The following DNER variants were observed in gnomAD, a reference collection of about 807,000 sequenced individuals.
DNER encodes delta and Notch-like epidermal growth factor-related receptor.
Under a neutral mutation model 78.2 loss-of-function variants are expected in DNER, and 33 were observed. The observed-to-expected ratio is 0.42, with a 90% CI of 0.32 to 0.56. The LOEUF is 0.56. Ranked by LOEUF, DNER falls within the 20% of genes least tolerant of loss-of-function variation. The pLI, the probability that DNER is intolerant of heterozygous loss-of-function variation, is 0.11. For missense variants in DNER, 918 were observed against 975.3 expected (o/e 0.94, Z 0.78); for synonymous variants, 417 against 384.8 (o/e 1.08, Z -0.98).
chr2:229,682,502 G>T (rs1699402624), intron 1 of DNER, among the ~76,000 whole-genome samples: 1 of 152,098 alleles, frequency 6.6e-6, no homozygotes, highest in Non-Finnish European at 1.5e-5. Context: ...TAAGCAAATG[G>T]CATCTTAAAA....
At chr2:229,565,273 C>A (rs113777112) in intron 4 of DNER, among the ~76,000 whole-genome samples, 178 of 152,222 alleles carry the variant, frequency 1.2e-3, no homozygotes, top group African/African-American at 4.1e-3. Context: ...CTTCTCAATT[C>A]AAATCTATGA....
chr2:229,626,599 C>T (rs759350092), intron 1 of DNER, among the ~76,000 whole-genome samples: 2 of 152,156 alleles, frequency 1.3e-5, no homozygotes, highest in African/African-American at 4.8e-5. Context: ...AAAGAAGCAA[C>T]ATTTTCCTAT....
intron 1 of DNER, among the ~76,000 whole-genome samples, chr2:229,634,746 A>G (rs1019386993): frequency 6.6e-6 from 1 of 152,072 alleles, no homozygotes; most frequent in Non-Finnish European, 1.5e-5. Context: ...GGCCCAAAGG[A>G]GTCTGTCATC....
chr2:229,500,488 A>G (rs1240505006), intron 6 of DNER, among the ~76,000 whole-genome samples: 1 of 152,192 alleles, frequency 6.6e-6, no homozygotes, highest in East Asian at 1.9e-4. Context: ...TCCTCAAAAA[A>G]CTAAAATAGA....
chr2:229,532,938 G>A (rs1559159172), intron 5 of DNER, among the ~76,000 whole-genome samples: 2 of 152,178 alleles, frequency 1.3e-5, no homozygotes, highest in Non-Finnish European at 2.9e-5. Context: ...GGGCATGGGG[G>A]TGTGGGTGGA....
chr2:229,438,522 G>A (rs1694172131), intron 8 of DNER, among the ~76,000 whole-genome samples: 1 of 152,128 alleles, frequency 6.6e-6, no homozygotes, highest in African/African-American at 2.4e-5. Context: ...TACTCCAACG[G>A]GGGGCAAGTA....
At chr2:229,387,487 G>GAAAGAAAGAGAT (rs1692896112) in intron 11 of DNER, among the ~76,000 whole-genome samples, 1 of 81,862 alleles carries the variant, frequency 1.2e-5, no homozygotes, top group Admixed American at 1.5e-4. Flanking sequence ...GAAAGAAAAA[G>GAAAGAAAGAGAT]AAAGAAAGAA....
chr2:229,563,527 C>T (rs1464270531), intron 4 of DNER, among the ~76,000 whole-genome samples: 5 of 147,254 alleles, frequency 3.4e-5, no homozygotes, highest in Admixed American at 1.3e-4. Flanking sequence ...ATCCCATCAC[C>T]ATCATCGTCA....
In DNER at chr2:229,619,410, C is replaced by A. The variant is rs72991639; in HGVS notation, c.277-27522G>T. ...GAAAAGTTTTTACTAAAAACCAGCT[C>A]AGTGATGTAAGTGCAGAGAGACATC... On this transcript the variant is annotated intron_variant, in intron 1 of 12. Transcript: ENST00000341772. Among the ~76,000 whole-genome samples, 11 of 152,014 alleles carry A rather than the reference C, an allele frequency of 7.2e-5. No homozygotes were observed. The South Asian group carries it at 2.1e-3, about 29-fold the overall frequency.
chr2:229,385,730 A>G, intron 11 of DNER, among the ~76,000 whole-genome samples: 1 of 152,228 alleles, frequency 6.6e-6, no homozygotes, highest in East Asian at 1.9e-4. Flanking sequence ...CAATTGCGAC[A>G]GAGAATAAAA....
intron 8 of DNER, among the ~76,000 whole-genome samples, chr2:229,432,442 T>A (rs1694027278): frequency 6.6e-6 from 1 of 152,174 alleles, no homozygotes; most frequent in Non-Finnish European, 1.5e-5. Flanking sequence ...AAAACCTAGA[T>A]AATTACTTTT....
At chr2:229,369,236 C>T (rs55862298) in intron 11 of DNER, among the ~76,000 whole-genome samples, 2 of 149,398 alleles carry the variant, frequency 1.3e-5, no homozygotes, top group African/African-American at 2.5e-5. Flanking sequence ...GTTTTAACTT[C>T]CTAAAAAGTT....
chr2:229,548,054 A>G (rs1696659060), intron 4 of DNER, among the ~76,000 whole-genome samples: 1 of 152,244 alleles, frequency 6.6e-6, no homozygotes, highest in African/African-American at 2.4e-5. Context: ...AGCTCTGTCA[A>G]GAGTAAAAGT....
intron 1 of DNER, among the ~76,000 whole-genome samples, chr2:229,702,592 C>A (rs2154217693): frequency 6.6e-6 from 1 of 152,092 alleles, no homozygotes; most frequent in African/African-American, 2.4e-5. Context: ...TGTCCACGCA[C>A]TCTTGAAACC....
At chr2:229,542,791 A>G (rs1696541737) in intron 5 of DNER, among the ~76,000 whole-genome samples, 1 of 152,012 alleles carries the variant, frequency 6.6e-6, no homozygotes, top group Non-Finnish European at 1.5e-5. Flanking sequence ...AAAAAAAAAA[A>G]AAAAGATTTT....
At chr2:229,464,648 A>T (rs1694765399) in intron 7 of DNER, among the ~76,000 whole-genome samples, 1 of 152,170 alleles carries the variant, frequency 6.6e-6, no homozygotes, top group Non-Finnish European at 1.5e-5. Flanking sequence ...CTGCTTCAAG[A>T]CTTTCCATTC....
intron 6 of DNER, among the ~76,000 whole-genome samples, chr2:229,482,265 G>A (rs959570433): frequency 1.3e-5 from 2 of 152,106 alleles, no homozygotes; most frequent in African/African-American, 4.8e-5. Context: ...CTCTCACCAG[G>A]ACTCCAGCAA....
rs1204892726 is a variant in DNER, at chr2:229,512,771, T to C, written c.1147+12A>G. 6.8e-6 allele frequency: 11 copies of C among 1,613,788 alleles called. No homozygotes were observed. The highest frequency in any genetic ancestry group is 9.3e-6 in the Non-Finnish European group (11 of 1,179,928). ...ATACACCTAATAACTGAACCATGAG[T>C]ATGTGTCGTACCAGGAAGGCAAACA... On this transcript the variant is annotated intron_variant, in intron 6 of 12. Transcript: ENST00000341772.
At chr2:229,678,003 C>T (rs1006428745) in intron 1 of DNER, among the ~76,000 whole-genome samples, 1 of 152,172 alleles carries the variant, frequency 6.6e-6, no homozygotes, top group African/African-American at 2.4e-5. Flanking sequence ...TTGATCCTAA[C>T]AAAGCATAAA....
Sources: gnomAD v4.1 joint callset for allele counts (sites outside exome capture counted in the v4.1 genomes callset) on GRCh38, gnomAD v4.1.1 for gene constraint, MANE v1.5 for transcripts, NCBI Gene and HGNC (gene_info 2026-07-23, HGNC 2026-07-21) for gene names.